Variants in LMTK3 observed in about 807,000 individuals in gnomAD.
LMTK3 encodes the protein serine/threonine-protein kinase LMTK3.
Under a neutral mutation model 116.7 loss-of-function variants are expected in LMTK3, and 27 were observed. The observed-to-expected ratio is 0.23, with a 90% confidence interval of 0.17 to 0.32. LMTK3 has a LOEUF of 0.32. LMTK3 is among the 10% of genes least tolerant of loss of function. The pLI is 1.00. For missense variants in LMTK3, 1,764 were observed against 2,068.5 expected (o/e 0.85, Z 2.86); for synonymous variants, 965 against 971.0 (o/e 0.99, Z 0.11).
intron 14 of LMTK3, 23 bp from the exon 15 acceptor site, chr19:48,485,812 G>A (rs1050320299): frequency 2.3e-5 from 37 of 1,603,750 alleles, no homozygotes; most frequent in Non-Finnish European, 2.8e-5. Flanking sequence ...AGAGGAGACA[G>A]AGAAATGAAA....
rs1325396635 is a variant in LMTK3, at chr19:48,491,644, G to A, written c.4093-105C>T. The stretch of plus-strand genomic sequence containing the variant: ...CCGGCTAATATTTCTGGGGCTCTAG[G>A]AATCCCAATTTGTAATCACTGACTC... On this transcript the variant is annotated intron_variant, in intron 12 of 14. Coordinates refer to ENST00000600059, the MANE Select transcript of LMTK3 (RefSeq NM_001388485.1). This position sits in a 1 kb window ranked among gnomAD's most constrained non-coding sequence, Gnocchi z 5.1. The A allele has an allele frequency of 6.6e-6, 7 of 1,062,154 alleles. No individual in the cohort carries two copies. Among genetic ancestry groups the A allele is most frequent in the Non-Finnish European group, 8.5e-6 (7 of 819,064 alleles). The allele number at this position is 1,062,154 out of a possible 1,614,324, so 65.8% of individuals were successfully genotyped here.
At chr19:48,512,420 A>C (rs1972678286), upstream of LMTK3, among the ~76,000 whole-genome samples, 1 of 152,076 alleles carries the variant, frequency 6.6e-6, no homozygotes, top group East Asian at 1.9e-4. Context: ...ACAGACAAAG[A>C]TCCCCACGGA....
intron 11 of LMTK3, among the ~76,000 whole-genome samples, chr19:48,496,694 C>T (rs1306971840): frequency 1.3e-5 from 2 of 152,204 alleles, no homozygotes; most frequent in African/African-American, 4.8e-5. Context: ...AGTGATCCTC[C>T]TGCCTCAGCC....
chr19:48,512,379 G>T (rs760777840), upstream of LMTK3, among the ~76,000 whole-genome samples: 2 of 152,026 alleles, frequency 1.3e-5, no homozygotes, highest in Non-Finnish European at 2.9e-5. Context: ...CCCGGACAAA[G>T]TAAAGCCCCA....
rs774899474 is a variant in LMTK3, at chr19:48,497,611, G to GGCGGTGGCA, written c.3449_3457dup (p.Leu1150_Pro1152dup). Reference sequence around the variant, plus strand: ...CAGCCTCCTCGGCTGTGCCTCCGGTGGCGGTGGCAGCGGTGGCGGCGGTGG... The same window carrying GGCGGTGGCA: ...CAGCCTCCTCGGCTGTGCCTCCGGTGGCGGTGGCAGCGGTGGCAGCGGTGGCGGCGGTGG... On this transcript the variant is annotated inframe_insertion, in exon 11 of 15. Transcript: ENST00000600059. This position sits in a 1 kb window ranked among gnomAD's most constrained non-coding sequence, Gnocchi z 5.7. 5.4e-6 allele frequency: 7 copies of GGCGGTGGCA among 1,305,792 alleles called. No individual in the cohort carries two copies. Among genetic ancestry groups the GGCGGTGGCA allele is most frequent in the East Asian group, 6.2e-5 (2 of 32,474 alleles). The allele number at this position is 1,305,792 out of a possible 1,614,324, so 80.9% of individuals were successfully genotyped here.
chr19:48,496,132 CAG>C (rs996394649), intron 11 of LMTK3, among the ~76,000 whole-genome samples: 6 of 151,954 alleles, frequency 3.9e-5, no homozygotes, highest in Non-Finnish European at 7.4e-5. Context: ...TTGTTTGAGA[CAG>C]AGTCTTGCTC....
Position 48,491,737 on chromosome 19 carries a change from A to G in LMTK3, c.4093-198T>C, listed in dbSNP as rs1972231010. On this transcript the variant is annotated intron_variant, in intron 12 of 14. Coordinates refer to ENST00000600059, the MANE Select transcript of LMTK3 (RefSeq NM_001388485.1). The surrounding 1 kb of genome is among the most constrained non-coding windows in gnomAD (Gnocchi z 5.1). ...AAGCCTTGGGCCAGCCTTAACCTCA[A>G]CCTGGCCAGAGGCTCCTTTCCTGAC... Among the ~76,000 whole-genome samples the G allele has an allele frequency of 6.6e-6, 1 of 152,204 alleles. No individual in the cohort carries two copies. Among genetic ancestry groups the G allele is most frequent in the African/African-American group, 2.4e-5 (1 of 41,432 alleles).
intron 11 of LMTK3, among the ~76,000 whole-genome samples, chr19:48,496,346 T>C (rs1175288011): frequency 1.3e-5 from 2 of 151,766 alleles, no homozygotes; most frequent in African/African-American, 4.8e-5. Flanking sequence ...TCGCCCAGGC[T>C]GGAGTGCAGT....
chr19:48,489,168 G>C (rs1305050284), intron 14 of LMTK3, among the ~76,000 whole-genome samples: 27 of 152,248 alleles, frequency 1.8e-4, no homozygotes, highest in Admixed American at 1.8e-3. Context: ...GGGCCAGGCA[G>C]GCTCACCCGT....
Position 48,491,095 on chromosome 19 carries a change from G to A in LMTK3, c.4366+13C>T. ...GATGGGCAGAGGAGGGGGCAGGGCC[G>A]AGGATATGGTACCTGCGGGCCGGGC... On this transcript the variant is annotated intron_variant, in intron 14 of 14. Transcript: ENST00000600059. The surrounding 1 kb of genome is among the most constrained non-coding windows in gnomAD (Gnocchi z 5.1). 3 of 1,357,040 alleles carry A rather than the reference G, an allele frequency of 2.2e-6. No individual in the cohort carries two copies. The highest frequency in any genetic ancestry group is 2.8e-6 in the Non-Finnish European group (3 of 1,054,856). The allele number at this position is 1,357,040 out of a possible 1,614,324, so 84.1% of individuals were successfully genotyped here.
Position 48,491,888 on chromosome 19 carries a change from T to A in LMTK3, c.4093-349A>T, listed in dbSNP as rs369209293. 4.5e-3 allele frequency among the ~76,000 whole-genome samples: 689 copies of A among 151,536 alleles called. 4 individuals carry two copies. Among genetic ancestry groups the A allele is most frequent in the African/African-American group, 0.016 (657 of 41,224 alleles). The stretch of plus-strand genomic sequence containing the variant: ...ATAAGCCCCACCCCGTCCACGTCAG[T>A]CCCACCCACCTCTGAGATCTTGACC... On this transcript the variant is annotated intron_variant, in intron 12 of 14. Transcript: ENST00000600059. The surrounding 1 kb of genome is among the most constrained non-coding windows in gnomAD (Gnocchi z 5.1).
chr19:48,512,837 GATAC>G (rs1271058130), upstream of LMTK3, among the ~76,000 whole-genome samples: 1 of 151,968 alleles, frequency 6.6e-6, no homozygotes, highest in Non-Finnish European at 1.5e-5. Flanking sequence ...ACCACACACT[GATAC>G]ATACAGACAC....
chr19:48,485,981 T>C (rs1050340220), intron 14 of LMTK3, among the ~76,000 whole-genome samples, 192 bp from the exon 15 acceptor site: 4 of 150,138 alleles, frequency 2.7e-5, no homozygotes, highest in Admixed American at 2.0e-4. Context: ...GTTCCTCCAG[T>C]GCTCCCAGCA....
intron 11 of LMTK3, among the ~76,000 whole-genome samples, chr19:48,495,777 A>G (rs1322553440): frequency 6.6e-6 from 1 of 152,256 alleles, no homozygotes; most frequent in African/African-American, 2.4e-5. Context: ...CCGTATTTAA[A>G]GAAGTTGCGC....
rs1300310294 is a variant in LMTK3 at position 48,501,520 on chromosome 19, G to A, written c.837C>T (p.Thr279=). Residue 279 remains threonine (T), a synonymous_variant, in exon 8 of 15, where the codon ACC becomes ACT. Coordinates refer to ENST00000600059, the MANE Select transcript of LMTK3 (RefSeq NM_001388485.1). The part of the protein sequence containing the change: ...LRNCLLTSDL[T]VRIGDYGLAH... Reference sequence around the variant, plus strand: ...CCAGCCCGTAGTCTCCGATGCGCACGGTCAGGTCAGAGGTCAGCAGGCAGT... The same window carrying A: ...CCAGCCCGTAGTCTCCGATGCGCACAGTCAGGTCAGAGGTCAGCAGGCAGT... 6.2e-7 allele frequency: 1 copy of A among 1,612,242 alleles called. No homozygotes were observed. The highest frequency in any genetic ancestry group is 1.7e-5 in the Admixed American group (1 of 59,734).
rs199717314 is a variant in LMTK3 at position 48,498,952 on chromosome 19, T to C, written c.2117A>G (p.Asp706Gly). Residue 706 changes from aspartate to glycine, a missense_variant, in exon 11 of 15, where the codon GAC becomes GGC. By Grantham distance (94) the Asp-to-Gly change is moderately conservative. This residue lies in a region of LMTK3 where 1,028 missense variants were observed against 1,050.6 expected (regional missense o/e 0.98). Transcript: ENST00000600059. ...CCGCTCTGCCCGCAGCGAGGAGTCG[T>C]CCTCGGGGGGGTGGGGGCAGCCAAG... Reference protein sequence around the residue: ...PALGCPHPPEDDSSLRAERGS... With the variant: ...PALGCPHPPEGDSSLRAERGS... 17 of 1,227,170 alleles carry C rather than the reference T, an allele frequency of 1.4e-5. No individual in the cohort carries two copies. The African/African-American group carries it at 1.7e-4, about 12-fold the overall frequency. 76.0% of individuals were successfully genotyped at this position (1,227,170 alleles called of 1,614,324 possible).
intron 5 of LMTK3, among the ~76,000 whole-genome samples, chr19:48,507,683 T>C (rs1972593602): frequency 6.6e-6 from 1 of 152,136 alleles, no homozygotes; most frequent in African/African-American, 2.4e-5. Context: ...CAGTCATAGC[T>C]CACTCCATCC....
chr19:48,499,333 A>G lies in LMTK3; in HGVS notation c.1736T>C (p.Leu579Pro). The change falls in exon 11 of 15, where the codon CTG becomes CCG. Residue 579 changes from leucine to proline, a missense_variant. Leu to Pro is a moderately conservative substitution (Grantham distance 98, BLOSUM62 -3). Transcript: ENST00000600059. ...GGGGGAGGCCCAGGTCTCGGACACC[A>G]GCTGGGGGACCTCGGAGGGGGCCTG... ...APQAPSEVPQ[L>P]VSETWASPLF... is the part of the protein sequence containing the mutation. 1 of 1,414,392 alleles carries G rather than the reference A, an allele frequency of 7.1e-7. No individual in the cohort carries two copies. Among genetic ancestry groups the G allele is most frequent in the Non-Finnish European group, 9.3e-7 (1 of 1,080,160 alleles). The allele number at this position is 1,414,392 out of a possible 1,614,324, so 87.6% of individuals were successfully genotyped here. A position where few individuals can be genotyped will look rare whatever the true frequency, so the allele number is the denominator to read the frequency against.
chr19:48,499,983 G>A, intron 10 of LMTK3, 66 bp from the exon 11 acceptor site: 1 of 1,457,732 alleles, frequency 6.9e-7, no homozygotes, highest in Non-Finnish European at 9.2e-7. Context: ...CCCAGGGAGG[G>A]GACAGACAAC....
Sources: gnomAD v4.1 joint callset for allele counts (sites outside exome capture counted in the v4.1 genomes callset) on GRCh38, gnomAD v4.1.1 for gene constraint, gnomAD v4.1.1 regional missense constraint, Gnocchi (gnomAD v3.1) non-coding constraint, MANE v1.5 for transcripts, NCBI Gene and HGNC (gene_info 2026-07-23, HGNC 2026-07-21) for gene names.